The following HIGD1C variants were observed in gnomAD, a reference collection of about 807,000 sequenced individuals.
The protein encoded by HIGD1C is HIG1 domain family member 1C.
Under a neutral mutation model 13.1 loss-of-function variants are expected in HIGD1C, and 11 were observed. The ratio of observed to expected loss-of-function variants is 0.84; its 90% confidence interval spans 0.53 to 1.39. The LOEUF is 1.39. Among genes scored for constraint, HIGD1C ranks in the 40% most tolerant of loss-of-function variants. HIGD1C has a pLI of 0.00. For synonymous variants in HIGD1C, 36 were observed against 37.7 expected (o/e 0.95, Z 0.17); for missense variants, 110 against 112.0 (o/e 0.98, Z 0.08).
the HIGD1C span, among the ~76,000 whole-genome samples, chr12:50,934,777 C>T: frequency 1.3e-5 from 2 of 152,280 alleles, no homozygotes; most frequent in South Asian, 4.2e-4. Flanking sequence ...ATGAAAGAAA[C>T]CAGACAGGGC....
chr12:50,932,575 T>C, the HIGD1C span: 1 of 152,212 alleles, frequency 6.6e-6, no homozygotes. Context: ...TATTCCTTCA[T>C]TGTGGAAATT....
the HIGD1C span, chr12:50,931,427 G>C: frequency 6.6e-6 from 1 of 151,724 alleles, no homozygotes; most frequent in East Asian, 1.9e-4. Context: ...AAGAGACAGG[G>C]GGCTGGGCGT....
upstream of HIGD1C, among the ~76,000 whole-genome samples, chr12:50,953,044 C>T (rs903103762): frequency 2.0e-5 from 3 of 152,164 alleles, no homozygotes; most frequent in Admixed American, 6.5e-5. Flanking sequence ...GCCCAGGCTG[C>T]TACTGGTGAG....
Position 50,961,104 on chromosome 12 carries a change from T to C in HIGD1C, c.229+2T>C. ...TTGTTGTTGGAGCTGTGACTCTAGGTAACCCGCTTAATTTGTATCTTATGT... is the reference window on the plus strand; with the variant it reads ...TTGTTGTTGGAGCTGTGACTCTAGGCAACCCGCTTAATTTGTATCTTATGT... On this transcript the variant is annotated splice_donor_variant, in intron 2 of 2. Coordinates refer to ENST00000398455, the Ensembl canonical transcript of HIGD1C. LOFTEE classifies it high-confidence loss of function. 2 of 1,613,668 alleles carry C rather than the reference T, an allele frequency of 1.2e-6. No individual in the cohort carries two copies. The highest frequency in any genetic ancestry group is 8.5e-7 in the Non-Finnish European group (1 of 1,179,684).
At chr12:50,972,453 G>A (rs1374885676), downstream of HIGD1C, among the ~76,000 whole-genome samples, 3 of 152,220 alleles carry the variant, frequency 2.0e-5, no homozygotes, top group Non-Finnish European at 4.4e-5. Flanking sequence ...CACTTAGAAG[G>A]AAAGTGGTCA....
chr12:50,955,804 AC>A (rs1939071686), intron 1 of HIGD1C, among the ~76,000 whole-genome samples: 1 of 152,232 alleles, frequency 6.6e-6, no homozygotes, highest in Non-Finnish European at 1.5e-5. Context: ...TGCTACTTGA[AC>A]AGATCACTAT....
At chr12:50,937,059 G>T in the HIGD1C span, among the ~76,000 whole-genome samples, 1 of 152,194 alleles carries the variant, frequency 6.6e-6, no homozygotes, top group Non-Finnish European at 1.5e-5. Flanking sequence ...CAGACACATT[G>T]CTTATTACAT....
the HIGD1C span, among the ~76,000 whole-genome samples, chr12:50,947,057 T>C: frequency 6.6e-6 from 1 of 152,200 alleles, no homozygotes; most frequent in Non-Finnish European, 1.5e-5. Flanking sequence ...ACCCTCTACA[T>C]CTGCTCCACT....
At chr12:50,932,139 G>A in the HIGD1C span, 1 of 152,138 alleles carries the variant, frequency 6.6e-6, no homozygotes, top group Non-Finnish European at 1.5e-5. Context: ...GCTGAATATT[G>A]TAGATTGTAG....
At chr12:50,956,053 G>C (rs970220669) in intron 1 of HIGD1C, among the ~76,000 whole-genome samples, 5 of 152,168 alleles carry the variant, frequency 3.3e-5, no homozygotes, top group Non-Finnish European at 5.9e-5. Context: ...ACTTTCATTT[G>C]ATTAAGGGAA....
chr12:50,970,611 A>G, downstream of HIGD1C: 1 of 697,576 alleles, frequency 1.4e-6, no homozygotes. Flanking sequence ...AGTGTCACAG[A>G]ATGCTCATAG....
At chr12:50,946,717 C>T in the HIGD1C span, among the ~76,000 whole-genome samples, 9 of 152,124 alleles carry the variant, frequency 5.9e-5, no homozygotes, top group African/African-American at 2.2e-4. Flanking sequence ...TTGACCCAGC[C>T]ATCCCATTAC....
chr12:50,962,892 G>A (rs1939392219), intron 2 of HIGD1C, among the ~76,000 whole-genome samples: 1 of 152,118 alleles, frequency 6.6e-6, no homozygotes, highest in South Asian at 2.1e-4. Context: ...CAGAAGCATG[G>A]CATGTAAGTG....
At chr12:50,938,146 T>C in the HIGD1C span, among the ~76,000 whole-genome samples, 1 of 152,080 alleles carries the variant, frequency 6.6e-6, no homozygotes, top group African/African-American at 2.4e-5. Context: ...CCAGGCTGTC[T>C]GTGCCAAGGG....
chr12:50,963,773 T>C (rs953897551), intron 2 of HIGD1C, among the ~76,000 whole-genome samples: 2 of 152,222 alleles, frequency 1.3e-5, no homozygotes, highest in Non-Finnish European at 2.9e-5. Flanking sequence ...GATGTCTCTT[T>C]TGCACTAACC....
At chr12:50,952,405 C>T (rs1173006483), upstream of HIGD1C, among the ~76,000 whole-genome samples, 1 of 152,124 alleles carries the variant, frequency 6.6e-6, no homozygotes, top group Non-Finnish European at 1.5e-5. Flanking sequence ...AGGGAAAAAC[C>T]ATGAACGCTA....
intron 2 of HIGD1C, among the ~76,000 whole-genome samples, chr12:50,963,473 T>TGGA (rs1252134773): frequency 1.3e-5 from 2 of 151,638 alleles, no homozygotes; most frequent in African/African-American, 4.9e-5. Flanking sequence ...CAGGACAGAC[T>TGGA]GGAACCCTTG....
chr12:50,947,170 G>A, the HIGD1C span, among the ~76,000 whole-genome samples: 4 of 152,114 alleles, frequency 2.6e-5, no homozygotes, highest in Non-Finnish European at 4.4e-5. Context: ...CCTACCCTGT[G>A]GAGCAGACTG....
chr12:50,943,014 T>C, the HIGD1C span, among the ~76,000 whole-genome samples: 2 of 150,978 alleles, frequency 1.3e-5, no homozygotes, highest in African/African-American at 4.8e-5. Context: ...TACAGGTGCC[T>C]GCCACCACGC....
Sources: allele counts gnomAD v4.1 joint callset (sites outside exome capture counted in the v4.1 genomes callset), GRCh38; gene constraint gnomAD v4.1.1; transcripts MANE v1.5; gene names NCBI Gene and HGNC (gene_info 2026-07-23, HGNC 2026-07-21).